The following PHYHD1 variants were observed in gnomAD, a reference collection of about 807,000 sequenced individuals.
PHYHD1 encodes phytanoyl-CoA dioxygenase domain containing 1.
PHYHD1 carries 42 observed loss-of-function variants against 43.6 expected under a neutral mutation model. That is an observed-to-expected ratio of 0.96 (90% CI 0.75 to 1.25). PHYHD1 has a LOEUF of 1.25. Ranked by LOEUF, PHYHD1 falls within the 50% of genes most tolerant of loss-of-function variation. The probability of loss-of-function intolerance (pLI) is 0.00; values close to 1 mark genes in which losing one functional copy is unlikely to be tolerated. For synonymous variants in PHYHD1, 139 were observed against 143.6 expected, an observed-to-expected ratio of 0.97 and a Z score of 0.23; for missense variants, 342 against 370.8, an observed-to-expected ratio of 0.92 and a Z score of 0.64.
At chr9:128,937,030 G>A (rs546294069) in intron 8 of PHYHD1, among the ~76,000 whole-genome samples, 1 of 152,208 alleles carries the variant, frequency 6.6e-6, no homozygotes, top group East Asian at 1.9e-4. Flanking sequence ...CAGGATAATT[G>A]CTTGAACCCA....
intron 4 of PHYHD1, among the ~76,000 whole-genome samples, chr9:128,932,943 G>A (rs149559927): frequency 0.02 from 3,009 of 151,388 alleles, 108 homozygotes; most frequent in African/African-American, 0.069. Flanking sequence ...TGCCTCCCGG[G>A]TTCACGCCAT....
Position 128,933,865 on chromosome 9 carries a change from G to A in PHYHD1, c.268+8G>A. Reference sequence around the variant, plus strand: ...GCGTTTTTGATGAGAAAGGTTTGGAGCTGGGGCCCTAGAGCTGGGGAGGAG... The same window carrying A: ...GCGTTTTTGATGAGAAAGGTTTGGAACTGGGGCCCTAGAGCTGGGGAGGAG... On this transcript the variant is annotated splice_region_variant and intron_variant, in intron 5 of 12. Transcript: ENST00000372592. 6.2e-7 allele frequency: 1 copy of A among 1,613,434 alleles called. No homozygotes were observed. Among genetic ancestry groups the A allele is most frequent in the South Asian group, 1.1e-5 (1 of 91,060 alleles).
Position 128,922,318 on chromosome 9 carries a change from G to C in PHYHD1, c.-6G>C. The C allele has an allele frequency of 5.8e-6, 9 of 1,551,256 alleles. No homozygotes were observed. The South Asian group carries it at 9.5e-5, about 16-fold the overall frequency. The stretch of plus-strand genomic sequence containing the variant: ...TTAGAAGCCGCCCAGTGCCCTGAGC[G>C]TCTCCATGGCCTGCCTGAGCCCCTC... On this transcript the variant is annotated 5_prime_UTR_variant, in exon 3 of 13. Transcript: ENST00000372592.
chr9:128,930,390 G>A (rs375540114), intron 4 of PHYHD1, among the ~76,000 whole-genome samples: 5 of 151,404 alleles, frequency 3.3e-5, no homozygotes, highest in African/African-American at 4.9e-5. Flanking sequence ...ACAGTGAGCC[G>A]TGATCCCATT....
chr9:128,921,795 G>A (rs550049626), intron 1 of PHYHD1, 127 bp downstream of exon 1: 1 of 153,396 alleles, frequency 6.5e-6, no homozygotes, highest in South Asian at 2.0e-4. Context: ...CCAGGACCGA[G>A]AGGGTTTCAG....
chr9:128,941,842 C>T lies in PHYHD1; in HGVS notation c.*129C>T. On this transcript the variant is annotated 3_prime_UTR_variant, in exon 13 of 13. Transcript: ENST00000372592. ...TCCCCTCCTGGGCTTTCCTCCTGCC[C>T]TGTGGGCAGCAGCCTAGGCTGGGTC... 1 of 1,301,306 alleles carries T rather than the reference C, an allele frequency of 7.7e-7. No individual in the cohort carries two copies. The highest frequency in any genetic ancestry group is 1.3e-5 in the South Asian group (1 of 79,758). The allele number at this position is 1,301,306 out of a possible 1,614,324, so 80.6% of individuals were successfully genotyped here.
At chr9:128,933,420 T>C (rs1445457515) in intron 4 of PHYHD1, among the ~76,000 whole-genome samples, 1 of 152,090 alleles carries the variant, frequency 6.6e-6, no homozygotes, top group African/African-American at 2.4e-5. Flanking sequence ...ATTACAGGTG[T>C]GAGTCGTTAC....
At chr9:128,925,067 T>C (rs1041466968) in intron 3 of PHYHD1, among the ~76,000 whole-genome samples, 4 of 152,210 alleles carry the variant, frequency 2.6e-5, no homozygotes, top group African/African-American at 9.6e-5. Flanking sequence ...ACTGATGTGA[T>C]TAATTCCTAA....
chr9:128,926,920 G>A lies in PHYHD1; in HGVS notation c.34-118G>A, dbSNP rs1383873400. The A allele has an allele frequency of 2.2e-6, 3 of 1,386,840 alleles. No individual in the cohort carries two copies. The South Asian group carries it at 3.5e-5, about 16-fold the overall frequency. 85.9% of individuals were successfully genotyped at this position (1,386,840 alleles called of 1,614,324 possible). ...GTGCCAGACTCCATGCCTGGGGTTG[G>A]GGACAGGGCAGCAAACAAGATACCT... is the stretch of plus-strand genomic sequence containing the variant. On this transcript the variant is annotated intron_variant, in intron 3 of 12. Coordinates refer to ENST00000372592, the MANE Select transcript of PHYHD1 (RefSeq NM_001100876.2).
chr9:128,941,811 C>CAA lies in PHYHD1; in HGVS notation c.*98_*99insAA. The CAA allele has an allele frequency of 1.3e-6, 2 of 1,516,978 alleles. No individual in the cohort carries two copies. The highest frequency in any genetic ancestry group is 9.1e-7 in the Non-Finnish European group (1 of 1,097,940). 94.0% of individuals were successfully genotyped at this position (1,516,978 alleles called of 1,614,324 possible). On this transcript the variant is annotated 3_prime_UTR_variant, in exon 13 of 13. Transcript: ENST00000372592. ...AGCCTCCTGGTTGCAACAGGGAGGT[C>CAA]TTGTCTCCCCTCCTGGGCTTTCCTC... is the stretch of plus-strand genomic sequence containing the variant.
chr9:128,924,530 T>C (rs1402069566), intron 3 of PHYHD1, among the ~76,000 whole-genome samples: 1 of 151,656 alleles, frequency 6.6e-6, no homozygotes, highest in African/African-American at 2.4e-5. Context: ...GAGGATTGAT[T>C]GAGCCCAGAA....
At chr9:128,932,859 A>T (rs1277542632) in intron 4 of PHYHD1, among the ~76,000 whole-genome samples, 10 of 144,344 alleles carry the variant, frequency 6.9e-5, no homozygotes, top group Admixed American at 2.1e-4. Flanking sequence ...TTATTTATTT[A>T]TTTTTTGAGA....
intron 4 of PHYHD1, 80 bp downstream of exon 4, chr9:128,927,276 G>A: frequency 6.4e-7 from 1 of 1,566,196 alleles, no homozygotes; most frequent in Non-Finnish European, 8.7e-7. Context: ...CATCGTGGAA[G>A]GGAGGATCCC....
rs563285713 is a variant in PHYHD1, at chr9:128,941,292, G to A, written c.704-153G>A. Among the ~76,000 whole-genome samples the A allele has an allele frequency of 6.6e-5, 10 of 152,256 alleles. No homozygotes were observed. The South Asian group carries it at 1.7e-3, about 25-fold the overall frequency. ...TCAATAGCTTAGCTTTTGTCCCTGAGGGAGGCTGCAGATGCCTGAGCTTTC... is the reference window on the plus strand; with the variant it reads ...TCAATAGCTTAGCTTTTGTCCCTGAAGGAGGCTGCAGATGCCTGAGCTTTC... On this transcript the variant is annotated intron_variant, in intron 11 of 12. Transcript: ENST00000372592.
intron 8 of PHYHD1, among the ~76,000 whole-genome samples, chr9:128,936,958 T>C (rs1391699658): frequency 1.3e-5 from 2 of 151,846 alleles, no homozygotes; most frequent in African/African-American, 4.8e-5. Flanking sequence ...CTACTAAAAA[T>C]ACAAAAATTA....
At chr9:128,924,670 C>T (rs971941185) in intron 3 of PHYHD1, among the ~76,000 whole-genome samples, 7 of 151,370 alleles carry the variant, frequency 4.6e-5, no homozygotes, top group Non-Finnish European at 1.0e-4. Context: ...TGCGGTGGCT[C>T]ATGCCTGTAA....
intron 3 of PHYHD1, among the ~76,000 whole-genome samples, chr9:128,923,765 G>A (rs188123786): frequency 5.2e-4 from 79 of 152,200 alleles, no homozygotes; most frequent in Non-Finnish European, 1.1e-3. Context: ...TGGGAGGATC[G>A]CTTGTGCACA....
intron 4 of PHYHD1, 99 bp downstream of exon 4, chr9:128,927,295 AG>A: frequency 6.7e-7 from 1 of 1,489,092 alleles, no homozygotes; most frequent in Non-Finnish European, 9.2e-7. Flanking sequence ...CCAAGGCTCC[AG>A]GGTGTCAGGC....
chr9:128,941,808 G>GACAA lies in PHYHD1; in HGVS notation c.*95_*96insACAA. ...CTCAGCCTCCTGGTTGCAACAGGGA[G>GACAA]GTCTTGTCTCCCCTCCTGGGCTTTC... On this transcript the variant is annotated 3_prime_UTR_variant, in exon 13 of 13. Transcript: ENST00000372592. The GACAA allele has an allele frequency of 6.4e-7, 1 of 1,555,274 alleles. No homozygotes were observed. Among genetic ancestry groups the GACAA allele is most frequent in the Non-Finnish European group, 8.8e-7 (1 of 1,131,138 alleles).
Sources: allele counts gnomAD v4.1 joint callset (sites outside exome capture counted in the v4.1 genomes callset), GRCh38; gene constraint gnomAD v4.1.1; transcripts MANE v1.5; gene names NCBI Gene and HGNC (gene_info 2026-07-23, HGNC 2026-07-21).